TMEM132D: variants seen among roughly 807,000 people sequenced by gnomAD.
The protein encoded by TMEM132D is mature OL transmembrane protein.
In TMEM132D, 21 loss-of-function variants were observed where a neutral mutation model predicts 62.3. The ratio of observed to expected loss-of-function variants is 0.34; its 90% CI spans 0.24 to 0.49. TMEM132D has a LOEUF of 0.49. Ranked by LOEUF, TMEM132D falls within the 20% of genes least tolerant of loss-of-function variation. The pLI, the probability that TMEM132D is intolerant of heterozygous loss-of-function variation, is 0.99. For synonymous variants in TMEM132D, 621 were observed against 575.6 expected, an observed-to-expected ratio of 1.08 and a Z score of -1.13; for missense variants, 1,346 against 1,402.8, an observed-to-expected ratio of 0.96 and a Z score of 0.65.
At chr12:129,145,177 T>G (rs1349874963) in intron 5 of TMEM132D, among the ~76,000 whole-genome samples, 1 of 152,192 alleles carries the variant, frequency 6.6e-6, no homozygotes, top group East Asian at 1.9e-4. Context: ...TTACCACACA[T>G]GATGCCTCAT....
At chr12:129,343,324 G>T (rs1376956556) in intron 3 of TMEM132D, among the ~76,000 whole-genome samples, 1 of 151,684 alleles carries the variant, frequency 6.6e-6, no homozygotes, top group Admixed American at 6.6e-5. Flanking sequence ...ACTATCACAA[G>T]GACAGAAAAA....
chr12:129,525,132 G>A (rs1875983777), intron 3 of TMEM132D, among the ~76,000 whole-genome samples: 1 of 147,928 alleles, frequency 6.8e-6, no homozygotes, highest in South Asian at 2.2e-4. Context: ...TCACCATGTT[G>A]GCCAGGATGG....
At chr12:129,285,943 T>C (rs1881284839) in intron 4 of TMEM132D, among the ~76,000 whole-genome samples, 1 of 152,174 alleles carries the variant, frequency 6.6e-6, no homozygotes, top group Non-Finnish European at 1.5e-5. Context: ...TAACTACTTC[T>C]CACAGCCTCA....
chr12:129,588,945 G>A (rs1342272673), intron 2 of TMEM132D, among the ~76,000 whole-genome samples: 1 of 151,996 alleles, frequency 6.6e-6, no homozygotes, highest in East Asian at 1.9e-4. Flanking sequence ...CTTCAGCCGT[G>A]CCTTGTGATA....
chr12:129,115,879 C>T (rs1875878507), intron 5 of TMEM132D, among the ~76,000 whole-genome samples: 1 of 152,196 alleles, frequency 6.6e-6, no homozygotes, highest in Non-Finnish European at 1.5e-5. Context: ...CCACATCTCC[C>T]CTTGGCTGGA....
At chr12:129,217,895 C>A (rs934312393) in intron 4 of TMEM132D, among the ~76,000 whole-genome samples, 5 of 152,136 alleles carry the variant, frequency 3.3e-5, no homozygotes, top group Admixed American at 2.6e-4. Context: ...TATAAGAGGA[C>A]ATCCATTTTC....
intron 8 of TMEM132D, 101 bp from the exon 9 acceptor site, chr12:129,075,160 G>T: frequency 1.1e-6 from 1 of 902,060 alleles, no homozygotes; most frequent in South Asian, 1.7e-5. Flanking sequence ...ATTGCTACAA[G>T]AACAAAGACA....
At chr12:129,343,222 T>C (rs1414666726) in intron 3 of TMEM132D, among the ~76,000 whole-genome samples, 3 of 152,180 alleles carry the variant, frequency 2.0e-5, no homozygotes, top group Non-Finnish European at 4.4e-5. Flanking sequence ...GTGGCACATA[T>C]ACAGCATGGA....
intron 1 of TMEM132D, among the ~76,000 whole-genome samples, chr12:129,821,721 C>A (rs1207323885): frequency 6.6e-6 from 1 of 152,184 alleles, no homozygotes; most frequent in African/African-American, 2.4e-5. Context: ...GGTGCATCAC[C>A]TGGGATCTTC....
At chr12:129,424,068 A>T (rs1872405663) in intron 3 of TMEM132D, among the ~76,000 whole-genome samples, 1 of 152,110 alleles carries the variant, frequency 6.6e-6, no homozygotes, top group Non-Finnish European at 1.5e-5. Context: ...ACATTTTTTG[A>T]TACTAACGAC....
At chr12:129,534,917 T>C (rs112702657) in intron 2 of TMEM132D, among the ~76,000 whole-genome samples, 1,937 of 148,732 alleles carry the variant, frequency 0.013, 49 homozygotes, top group African/African-American at 0.046. Flanking sequence ...CATACAAATA[T>C]TCCCCATCCT....
chr12:129,356,506 C>CG (rs1870053882), intron 3 of TMEM132D, among the ~76,000 whole-genome samples: 1 of 151,460 alleles, frequency 6.6e-6, no homozygotes, highest in Non-Finnish European at 1.5e-5. Context: ...AAATGCTACA[C>CG]GAAAGCTTCT....
chr12:129,115,806 C>G (rs2135649940), intron 5 of TMEM132D, among the ~76,000 whole-genome samples: 1 of 152,286 alleles, frequency 6.6e-6, no homozygotes, highest in South Asian at 2.1e-4. Flanking sequence ...GTGTCTGCCA[C>G]TTTCTGGCTG....
At chr12:129,682,590 G>A (rs1370082147) in intron 2 of TMEM132D, among the ~76,000 whole-genome samples, 1 of 152,136 alleles carries the variant, frequency 6.6e-6, no homozygotes, top group East Asian at 1.9e-4. Flanking sequence ...GTAATTTGCA[G>A]TGACAAATAA....
Position 129,491,024 on chromosome 12 carries a change from T to A in TMEM132D, c.1115+40035A>T, listed in dbSNP as rs118071441. On this transcript the variant is annotated intron_variant, in intron 3 of 8. Coordinates refer to ENST00000422113, the MANE Select transcript of TMEM132D (RefSeq NM_133448.3). Reference sequence around the variant, plus strand: ...CACCAGCTTTATGGCAGCTTTTGAATGCTGGAATCTGGGCCAAAATATGGG... The same window carrying A: ...CACCAGCTTTATGGCAGCTTTTGAAAGCTGGAATCTGGGCCAAAATATGGG... Among the ~76,000 whole-genome samples the A allele has an allele frequency of 1.1e-3, 161 of 152,282 alleles. 1 individual carries two copies. The East Asian group carries it at 0.024, about 23-fold the overall frequency.
intron 3 of TMEM132D, among the ~76,000 whole-genome samples, chr12:129,464,506 T>C (rs1470552241): frequency 6.6e-6 from 1 of 152,220 alleles, no homozygotes; most frequent in Non-Finnish European, 1.5e-5. Flanking sequence ...TTGGCTTTTG[T>C]TGCCATTGCT....
At chr12:129,089,629 G>T (rs1874840667) in intron 5 of TMEM132D, among the ~76,000 whole-genome samples, 1 of 140,402 alleles carries the variant, frequency 7.1e-6, no homozygotes, top group African/African-American at 2.5e-5. Context: ...GGGCCTTGCT[G>T]GTTAAGCTTA....
At chr12:129,650,746 C>G (rs1220817571) in intron 2 of TMEM132D, among the ~76,000 whole-genome samples, 1 of 152,164 alleles carries the variant, frequency 6.6e-6, no homozygotes, top group Non-Finnish European at 1.5e-5. Flanking sequence ...CTTCTCAAGT[C>G]TGTTGGCAGT....
chr12:129,469,426 G>GA (rs1445322484), intron 3 of TMEM132D, among the ~76,000 whole-genome samples: 8 of 152,180 alleles, frequency 5.3e-5, no homozygotes, highest in Admixed American at 1.3e-4. Flanking sequence ...AGAAATTCTG[G>GA]AGGGGGGGCC....
Sources: allele counts gnomAD v4.1 joint callset (sites outside exome capture counted in the v4.1 genomes callset), GRCh38; gene constraint gnomAD v4.1.1; transcripts MANE v1.5; gene names NCBI Gene and HGNC (gene_info 2026-07-23, HGNC 2026-07-21).